Variants in ERBB3 observed in about 807,000 individuals in gnomAD.
The protein encoded by ERBB3 is erb-b2 receptor tyrosine kinase 3, also known as receptor tyrosine-protein kinase erbB-3.
Under a neutral mutation model 156.7 loss-of-function variants are expected in ERBB3, and 96 were observed. That is an observed-to-expected ratio of 0.61 (90% CI 0.52 to 0.73). The LOEUF is 0.73. ERBB3 is among the 30% of genes least tolerant of loss of function. The pLI is 0.00. For synonymous variants in ERBB3, 567 were observed against 632.0 expected (o/e 0.90, Z 1.54); for missense variants, 1,406 against 1,709.4 (o/e 0.82, Z 3.13).
chr12:56,100,326 T>G, intron 26 of ERBB3, 81 bp downstream of exon 26: 1 of 1,171,892 alleles, frequency 8.5e-7, no homozygotes, highest in Non-Finnish European at 1.3e-6. Context: ...CCTCTGAGGT[T>G]TAATCAGTGT....
intron 1 of ERBB3, among the ~76,000 whole-genome samples, chr12:56,080,842 G>T (rs1868345611): frequency 6.6e-6 from 1 of 152,136 alleles, no homozygotes; most frequent in Non-Finnish European, 1.5e-5. Context: ...AGCTACAGAA[G>T]GTTGGAGGGG....
chr12:56,094,002 TTGG>T (rs761041279), intron 13 of ERBB3, 94 bp from the exon 14 acceptor site: 1 of 1,568,264 alleles, frequency 6.4e-7, no homozygotes, highest in Admixed American at 1.7e-5. Context: ...TGCATGTGCC[TTGG>T]TGGGATTGAG....
chr12:56,098,090 A>G (rs930534227), intron 21 of ERBB3, 150 bp downstream of exon 21: 1 of 790,070 alleles, frequency 1.3e-6, no homozygotes, highest in African/African-American at 1.7e-5. Flanking sequence ...TTCAGAGGGC[A>G]ACAAATAAAA....
At chr12:56,093,103 C>T in intron 11 of ERBB3, 27 bp downstream of exon 11, 1 of 1,514,684 alleles carries the variant, frequency 6.6e-7, no homozygotes, top group East Asian at 2.3e-5. Context: ...GAGGAAATGG[C>T]ATCTTCAGGC....
chr12:56,096,584 A>T lies in ERBB3; in HGVS notation c.2137A>T (p.Lys713Ter). 2.5e-6 allele frequency: 4 copies of T among 1,614,220 alleles called. No homozygotes were observed. Among genetic ancestry groups the T allele is most frequent in the Non-Finnish European group, 3.4e-6 (4 of 1,180,034 alleles). ...CAAAGAGACAGAGCTAAGGAAGCTT[A>T]AAGTGCTTGGCTCGGGTGTCTTTGG... Reference protein sequence around the residue: ...IFKETELRKLKVLGSGVFGTV... With the variant: ...IFKETELRKL Residue 713 changes from lysine (K) to a stop codon, truncating the protein, a stop_gained, in exon 18 of 28, where the codon AAA (lysine) becomes TAA (stop). Transcript: ENST00000267101. LOFTEE classifies it high-confidence loss of function.
intron 9 of ERBB3, among the ~76,000 whole-genome samples, chr12:56,092,084 C>G (rs1868730345): frequency 7.4e-6 from 1 of 135,610 alleles, no homozygotes; most frequent in South Asian, 2.4e-4. Flanking sequence ...GAGACCCTGT[C>G]TCTTAAAAAA....
chr12:56,091,979 TG>T (rs1298416665), intron 9 of ERBB3, among the ~76,000 whole-genome samples: 1 of 150,036 alleles, frequency 6.7e-6, no homozygotes, highest in Non-Finnish European at 1.5e-5. Context: ...TGGGAGCCAG[TG>T]GGAAAATTGC....
rs1565857178 is a variant in ERBB3 at position 56,087,615 on chromosome 12, G to A, written c.586G>A (p.Gly196Ser). The A allele has an allele frequency of 6.2e-7, 1 of 1,614,154 alleles. No individual in the cohort carries two copies. The highest frequency in any genetic ancestry group is 1.7e-5 in the Admixed American group (1 of 60,020). The change falls in exon 5 of 28, where the codon GGT (glycine) becomes AGT (serine). Residue 196 changes from glycine (G) to serine (S), a missense_variant. Gly to Ser is a moderately conservative substitution (Grantham distance 56). Around this residue, in one of 3 missense-constraint regions of ERBB3, gnomAD observed 979 missense variants for 1,219.6 expected, o/e 0.80. Transcript: ENST00000267101. The part of the protein sequence containing the change: ...CHEVCKGRCW[G>S]PGSEDCQTLT... ...TGAGGTTTGCAAGGGGCGATGCTGGGGTCCTGGATCAGAAGACTGCCAGAC... is the reference window on the plus strand; with the variant it reads ...TGAGGTTTGCAAGGGGCGATGCTGGAGTCCTGGATCAGAAGACTGCCAGAC...
intron 7 of ERBB3, 110 bp from the exon 8 acceptor site, chr12:56,088,433 G>A (rs1868558579): frequency 5.3e-6 from 5 of 946,988 alleles, no homozygotes; most frequent in Admixed American, 1.7e-5. Flanking sequence ...GGCAGATGGG[G>A]ACAAATCCAG....
chr12:56,097,267 G>A (rs754286267), intron 20 of ERBB3, 37 bp downstream of exon 20: 2 of 1,594,644 alleles, frequency 1.3e-6, no homozygotes, highest in Non-Finnish European at 1.7e-6. Flanking sequence ...GATAAGAACT[G>A]CTTGTCTGGG....
chr12:56,091,057 C>G (rs1023163254), intron 9 of ERBB3, among the ~76,000 whole-genome samples: 3 of 150,722 alleles, frequency 2.0e-5, no homozygotes, highest in Admixed American at 1.3e-4. Context: ...GCAGCATGTT[C>G]TTCAGTTTGG....
Sources: gnomAD v4.1 joint callset for allele counts (sites outside exome capture counted in the v4.1 genomes callset) on GRCh38, gnomAD v4.1.1 for gene constraint, gnomAD v4.1.1 regional missense constraint, MANE v1.5 for transcripts, NCBI Gene and HGNC (gene_info 2026-07-23, HGNC 2026-07-21) for gene names.